CNTNAP2: variants seen among roughly 807,000 people sequenced by gnomAD.
The protein encoded by CNTNAP2 is contactin-associated protein-like 2.
Under a neutral mutation model 155.2 loss-of-function variants are expected in CNTNAP2, and 98 were observed. That is an observed-to-expected ratio of 0.63 (90% CI 0.54 to 0.75). The LOEUF is 0.75. Among genes scored for constraint, CNTNAP2 ranks in the 30% least tolerant of loss-of-function variants. The probability of loss-of-function intolerance (pLI) is 0.00; values close to 1 mark genes in which losing one functional copy is unlikely to be tolerated. For missense variants in CNTNAP2, 1,727 were observed against 1,688.1 expected (o/e 1.02, Z -0.40); for synonymous variants, 651 against 631.2 (o/e 1.03, Z -0.47).
intron 1 of CNTNAP2, among the ~76,000 whole-genome samples, chr7:146,519,952 C>G (rs1259439643): frequency 2.0e-5 from 3 of 151,658 alleles, no homozygotes; most frequent in Non-Finnish European, 4.4e-5. Flanking sequence ...AACCTTAAAA[C>G]TTGAAGCAAC....
At chr7:147,226,873 G>GACTACCTTT (rs1803558252) in intron 8 of CNTNAP2, among the ~76,000 whole-genome samples, 1 of 152,120 alleles carries the variant, frequency 6.6e-6, no homozygotes, top group Non-Finnish European at 1.5e-5. Context: ...TTTATTTAGT[G>GACTACCTTT]ACTACCTTTA....
intron 1 of CNTNAP2, among the ~76,000 whole-genome samples, chr7:146,734,979 C>T (rs1276500909): frequency 2.0e-5 from 3 of 151,844 alleles, no homozygotes; most frequent in African/African-American, 7.3e-5. Flanking sequence ...CTAAATGAAC[C>T]GAGAAAGAAA....
At chr7:147,454,531 A>G (rs1234447173) in intron 10 of CNTNAP2, among the ~76,000 whole-genome samples, 1 of 152,264 alleles carries the variant, frequency 6.6e-6, no homozygotes, top group African/African-American at 2.4e-5. Context: ...ACAGTTTTCC[A>G]ACAGAGCTAT....
intron 8 of CNTNAP2, among the ~76,000 whole-genome samples, chr7:147,140,097 C>G (rs1472575234): frequency 1.3e-5 from 2 of 151,966 alleles, no homozygotes; most frequent in Non-Finnish European, 2.9e-5. Context: ...CATTCATTCT[C>G]TACGATTCAA....
rs974275581 is a variant in CNTNAP2, at chr7:147,169,468, C to T, written c.1348+36959C>T. 1.3e-5 allele frequency among the ~76,000 whole-genome samples: 2 copies of T among 152,112 alleles called. 1 individual carries two copies. The highest frequency in any genetic ancestry group is 4.8e-5 in the African/African-American group (2 of 41,402). On this transcript the variant is annotated intron_variant, in intron 8 of 23. Coordinates refer to ENST00000361727, the MANE Select transcript of CNTNAP2 (RefSeq NM_014141.6). ...TAGTACTCTGCAGTGTCTACTGTTCCCATGTTTATATGTTCATGTGTGTCC... is the reference window on the plus strand; with the variant it reads ...TAGTACTCTGCAGTGTCTACTGTTCTCATGTTTATATGTTCATGTGTGTCC...
At chr7:146,402,713 A>C (rs1795731168) in intron 1 of CNTNAP2, among the ~76,000 whole-genome samples, 1 of 152,124 alleles carries the variant, frequency 6.6e-6, no homozygotes, top group South Asian at 2.1e-4. Flanking sequence ...TAAACACAAA[A>C]ATAAGAGAAA....
intron 9 of CNTNAP2, among the ~76,000 whole-genome samples, chr7:147,326,213 T>G (rs188582453): frequency 3.3e-5 from 5 of 152,336 alleles, no homozygotes; most frequent in Admixed American, 1.3e-4. Context: ...CGTTAGCCAC[T>G]GCGCCTGGAC....
chr7:147,891,267 A>T (rs1799688829), intron 13 of CNTNAP2, among the ~76,000 whole-genome samples: 1 of 151,120 alleles, frequency 6.6e-6, no homozygotes, highest in South Asian at 2.1e-4. Context: ...CGCAGTGGTG[A>T]GATCTTGGCT....
At chr7:146,510,246 A>G (rs1160775989) in intron 1 of CNTNAP2, among the ~76,000 whole-genome samples, 1 of 152,232 alleles carries the variant, frequency 6.6e-6, no homozygotes, top group Non-Finnish European at 1.5e-5. Flanking sequence ...AACAGGTTAC[A>G]TTAAATGGCT....
intron 16 of CNTNAP2, among the ~76,000 whole-genome samples, chr7:148,121,680 C>G (rs996168817): frequency 2.0e-5 from 3 of 151,988 alleles, no homozygotes; most frequent in African/African-American, 7.3e-5. Flanking sequence ...TACATTGTGC[C>G]CTTCTGTCAA....
In CNTNAP2 at chr7:147,283,699, T is replaced by C. The variant is rs562063462; in HGVS notation, c.1349-16442T>C. 2.6e-5 allele frequency among the ~76,000 whole-genome samples: 4 copies of C among 152,018 alleles called. No homozygotes were observed. The South Asian group carries it at 8.3e-4, about 31-fold the overall frequency. ...TGACATCTTCATCCTAATATTAGTATTCCAGAGAATTTCTGAAATAGAGAA... is the reference window on the plus strand; with the variant it reads ...TGACATCTTCATCCTAATATTAGTACTCCAGAGAATTTCTGAAATAGAGAA... On this transcript the variant is annotated intron_variant, in intron 8 of 23. Transcript: ENST00000361727.
At chr7:147,662,077 C>G (rs1795621163) in intron 13 of CNTNAP2, among the ~76,000 whole-genome samples, 1 of 152,154 alleles carries the variant, frequency 6.6e-6, no homozygotes, top group Non-Finnish European at 1.5e-5. Context: ...GCCAATCACT[C>G]CTTTCTTAGA....
chr7:147,411,672 C>T (rs990929312), intron 10 of CNTNAP2, among the ~76,000 whole-genome samples: 1 of 152,108 alleles, frequency 6.6e-6, no homozygotes, highest in Non-Finnish European at 1.5e-5. Flanking sequence ...GTCCACCTTC[C>T]GTTTTAAAAA....
At chr7:147,168,588 T>A (rs1802167186) in intron 8 of CNTNAP2, among the ~76,000 whole-genome samples, 1 of 152,082 alleles carries the variant, frequency 6.6e-6, no homozygotes, top group Non-Finnish European at 1.5e-5. Flanking sequence ...AGAACAAAAC[T>A]CGTGAAGATT....
At chr7:147,511,893 A>G (rs1466520427) in intron 11 of CNTNAP2, among the ~76,000 whole-genome samples, 4 of 152,176 alleles carry the variant, frequency 2.6e-5, no homozygotes, top group Non-Finnish European at 5.9e-5. Flanking sequence ...AGTGCTTTCT[A>G]TAGCAGGAGG....
intron 1 of CNTNAP2, among the ~76,000 whole-genome samples, chr7:146,769,943 TG>T (rs1179879759): frequency 6.6e-6 from 1 of 152,192 alleles, no homozygotes; most frequent in Non-Finnish European, 1.5e-5. Flanking sequence ...AACACTATTT[TG>T]GGGTTTTCAG....
chr7:146,862,382 A>G (rs4367451), intron 3 of CNTNAP2, among the ~76,000 whole-genome samples: 122,092 of 152,000 alleles, frequency 0.8, 49,730 homozygotes, highest in African/African-American at 0.94. Context: ...GGATCATAAC[A>G]TGCTATTTCC....
chr7:146,684,639 C>CAA (rs3080477), intron 1 of CNTNAP2, among the ~76,000 whole-genome samples: 2 of 63,508 alleles, frequency 3.1e-5, no homozygotes, highest in African/African-American at 6.0e-5. Flanking sequence ...AGATCCAGCG[C>CAA]AAAAAAAAAA....
intron 15 of CNTNAP2, among the ~76,000 whole-genome samples, chr7:148,012,005 C>T (rs1802089924): frequency 2.0e-5 from 3 of 152,328 alleles, no homozygotes; most frequent in East Asian, 3.9e-4. Flanking sequence ...CTCTCGCTTT[C>T]CAAGATAAAG....
Sources: gnomAD v4.1 joint callset for allele counts (sites outside exome capture counted in the v4.1 genomes callset) on GRCh38, gnomAD v4.1.1 for gene constraint, MANE v1.5 for transcripts, NCBI Gene and HGNC (gene_info 2026-07-23, HGNC 2026-07-21) for gene names.